Variants in BIN3 observed in about 807,000 individuals in gnomAD.
The protein encoded by BIN3 is bridging integrator 3.
Under a neutral mutation model 38.2 loss-of-function variants are expected in BIN3, and 41 were observed. The ratio of observed to expected loss-of-function variants is 1.07; its 90% CI spans 0.84 to 1.39. BIN3 has a LOEUF of 1.39. Ranked by LOEUF, BIN3 falls within the 40% of genes most tolerant of loss-of-function variation. BIN3 has a pLI of 0.00. For missense variants in BIN3, 361 were observed against 324.3 expected, an observed-to-expected ratio of 1.11 and a Z score of -0.87; for synonymous variants, 145 against 122.6, an observed-to-expected ratio of 1.18 and a Z score of -1.21.
intron 2 of BIN3, chr8:22,644,474 G>A (rs546417759): frequency 2.9e-5 from 12 of 417,216 alleles, no homozygotes; most frequent in East Asian, 9.4e-5. Flanking sequence ...GAGGTGGACC[G>A]TTCTAAAGCA....
chr8:22,641,911 A>C (rs2117550855), intron 2 of BIN3, among the ~76,000 whole-genome samples: 1 of 152,256 alleles, frequency 6.6e-6, no homozygotes, highest in South Asian at 2.1e-4. Context: ...ACTTTATGGG[A>C]CCTGGGGAGT....
intron 4 of BIN3, among the ~76,000 whole-genome samples, chr8:22,631,437 A>G (rs896264885): frequency 1.3e-5 from 2 of 152,188 alleles, no homozygotes; most frequent in Admixed American, 1.3e-4. Context: ...GGGTTCTGCC[A>G]AGGTTCCCAT....
At chr8:22,668,244 G>A (rs958820595) in intron 1 of BIN3, among the ~76,000 whole-genome samples, 59 of 152,142 alleles carry the variant, frequency 3.9e-4, no homozygotes, top group African/African-American at 1.2e-3. Context: ...ATAAATAATC[G>A]AGAGCAACAA....
At chr8:22,642,827 C>T (rs565635309) in intron 2 of BIN3, among the ~76,000 whole-genome samples, 22 of 152,360 alleles carry the variant, frequency 1.4e-4, no homozygotes, top group Non-Finnish European at 3.1e-4. Context: ...TAACCCCTAC[C>T]TGACCCCCAG....
At chr8:22,656,376 C>G (rs766991411) in intron 1 of BIN3, among the ~76,000 whole-genome samples, 1 of 152,152 alleles carries the variant, frequency 6.6e-6, no homozygotes, top group East Asian at 1.9e-4. Context: ...ATGGGATTCT[C>G]TGTTTCATTT....
In BIN3 at chr8:22,621,900, G is replaced by C. The variant is rs182947046; in HGVS notation, c.616-332C>G. Among the ~76,000 whole-genome samples, 234 of 152,352 alleles carry C rather than the reference G, an allele frequency of 1.5e-3. 4 individuals carry two copies. Among genetic ancestry groups the C allele is most frequent in the African/African-American group, 5.2e-3 (215 of 41,580 alleles). ...ACTGGAGTTTTACTGCTTTTTGTAA[G>C]CTAGGGGAGAACCCAAGGCTTTTGT... is the stretch of plus-strand genomic sequence containing the variant. On this transcript the variant is annotated intron_variant, in intron 8 of 8. Coordinates refer to ENST00000276416, the MANE Select transcript of BIN3 (RefSeq NM_018688.6).
chr8:22,630,039 T>TG (rs1802137569), intron 5 of BIN3, 35 bp from the exon 6 acceptor site: 1 of 1,591,628 alleles, frequency 6.3e-7, no homozygotes, highest in African/African-American at 1.3e-5. Context: ...TTAAAACTGG[T>TG]GGGGAGGGGA....
At position 22,669,044 on chromosome 8, in the gene BIN3, C is replaced by T. The variant is rs1243543450; in HGVS notation, c.8G>A (p.Trp3Ter). The T allele has an allele frequency of 1.9e-6, 3 of 1,588,860 alleles. No individual in the cohort carries two copies. The highest frequency in any genetic ancestry group is 2.3e-5 in the South Asian group (2 of 87,210). The change falls in exon 1 of 9, where the codon TGG becomes TAG. Residue 3 changes from tryptophan (W) to a stop codon, truncating the protein, a stop_gained and splice_region_variant. Coordinates refer to ENST00000276416, the MANE Select transcript of BIN3 (RefSeq NM_018688.6). LOFTEE classifies it high-confidence loss of function. MS[W>*]IPFKIGQPKK... ...CTCCCGCCGCCTGGGCCTCACTCAC[C>T]AGCTCATGGTCCCGAACCTGCGTCT...
chr8:22,621,679 G>C, intron 8 of BIN3, 111 bp from the exon 9 acceptor site: 1 of 1,125,692 alleles, frequency 8.9e-7, no homozygotes, highest in Non-Finnish European at 1.3e-6. Flanking sequence ...ATCTGGAGCT[G>C]TGCAGCAGCG....
At chr8:22,639,375 G>C (rs1342676096) in intron 2 of BIN3, among the ~76,000 whole-genome samples, 2 of 152,154 alleles carry the variant, frequency 1.3e-5, no homozygotes, top group African/African-American at 4.8e-5. Flanking sequence ...GGGACTATAG[G>C]CATATGCCAT....
At chr8:22,646,607 T>C (rs890858761) in intron 1 of BIN3, among the ~76,000 whole-genome samples, 3 of 152,122 alleles carry the variant, frequency 2.0e-5, no homozygotes, top group Non-Finnish European at 4.4e-5. Context: ...AATTTGGGAG[T>C]GTTAACCCTT....
At position 22,630,521 on chromosome 8, in the gene BIN3, TCA is replaced by T; in HGVS notation, c.216_217del (p.Cys72Ter). 1 of 1,614,024 alleles carries T rather than the reference TCA, an allele frequency of 6.2e-7. No homozygotes were observed. Among genetic ancestry groups the T allele is most frequent in the Non-Finnish European group, 8.5e-7 (1 of 1,179,882 alleles). ...CATGTTCAGAAGGTCCTGGTCTTGC[TCA>T]CAGAGGGGATTGGAGAGTAAGTCCA... On this transcript the variant is annotated stop_gained and frameshift_variant, in exon 5 of 9. Coordinates refer to ENST00000276416, the MANE Select transcript of BIN3 (RefSeq NM_018688.6). LOFTEE classifies it high-confidence loss of function.
chr8:22,625,284 G>A, intron 6 of BIN3: 1 of 701,790 alleles, frequency 1.4e-6, no homozygotes, highest in Non-Finnish European at 2.6e-6. Flanking sequence ...GGCCCTCGGT[G>A]CAATGGCAGG....
chr8:22,630,589 C>T lies in BIN3; in HGVS notation c.161-11G>A. On this transcript the variant is annotated splice_polypyrimidine_tract_variant and intron_variant, in intron 4 of 8. Coordinates refer to ENST00000276416, the MANE Select transcript of BIN3 (RefSeq NM_018688.6). ...CAGATTTTGACATGGCTGTGGGAAG[C>T]CAAAGCTCGGTGAACCTTCTATGAA... 6.2e-7 allele frequency: 1 copy of T among 1,613,668 alleles called. No homozygotes were observed. Among genetic ancestry groups the T allele is most frequent in the South Asian group, 1.1e-5 (1 of 91,040 alleles).
In BIN3 at chr8:22,630,576, T is replaced by A. The variant is rs372191525; in HGVS notation, c.163A>T (p.Met55Leu). 2 of 1,613,790 alleles carry A rather than the reference T, an allele frequency of 1.2e-6. No individual in the cohort carries two copies. Among genetic ancestry groups the A allele is most frequent in the Admixed American group, 1.7e-5 (1 of 60,002 alleles). The change falls in exon 5 of 9, where the codon ATG (methionine) becomes TTG (leucine). Residue 55 changes from methionine to leucine, a missense_variant and splice_region_variant. Coordinates refer to ENST00000276416, the MANE Select transcript of BIN3 (RefSeq NM_018688.6). ...GATATCTTCACGGCAGATTTTGACATGGCTGTGGGAAGCCAAAGCTCGGTG... is the reference window on the plus strand; with the variant it reads ...GATATCTTCACGGCAGATTTTGACAAGGCTGTGGGAAGCCAAAGCTCGGTG... ...MKKSTDADLA[M>L]SKSAVKISLD...
At chr8:22,663,686 A>G (rs1268526684) in intron 1 of BIN3, among the ~76,000 whole-genome samples, 2 of 152,080 alleles carry the variant, frequency 1.3e-5, no homozygotes, top group South Asian at 2.1e-4. Context: ...ATTCTCCCCA[A>G]TGCAGCCTCT....
At chr8:22,629,603 T>C (rs1802116590) in intron 6 of BIN3, 1 of 298,432 alleles carries the variant, frequency 3.4e-6, no homozygotes, top group South Asian at 7.4e-5. Flanking sequence ...GCCTTGCTCA[T>C]GTCCGCTGAG....
intron 2 of BIN3, chr8:22,644,482 G>A: frequency 2.3e-6 from 1 of 434,992 alleles, no homozygotes; most frequent in Non-Finnish European, 4.3e-6. Context: ...CCGTTCTAAA[G>A]CAATATCTTC....
At chr8:22,664,005 T>G (rs1803329375) in intron 1 of BIN3, among the ~76,000 whole-genome samples, 1 of 152,216 alleles carries the variant, frequency 6.6e-6, no homozygotes, top group South Asian at 2.1e-4. Flanking sequence ...TCCTCAACAT[T>G]TAGCACAGAC....
Sources: allele counts gnomAD v4.1 joint callset (sites outside exome capture counted in the v4.1 genomes callset), GRCh38; gene constraint gnomAD v4.1.1; transcripts MANE v1.5; gene names NCBI Gene and HGNC (gene_info 2026-07-23, HGNC 2026-07-21).